The following PCDHGB2 variants were observed in gnomAD, a reference collection of about 807,000 sequenced individuals.
PCDHGB2 encodes protocadherin gamma-B2.
Under a neutral mutation model 59.3 loss-of-function variants are expected in PCDHGB2, and 55 were observed. The observed-to-expected ratio is 0.93, with a 90% CI of 0.75 to 1.16. The LOEUF is 1.16. Ranked by LOEUF, PCDHGB2 falls within the 50% of genes most tolerant of loss-of-function variation. The pLI, the probability that PCDHGB2 is intolerant of heterozygous loss-of-function variation, is 0.00. For synonymous variants in PCDHGB2, 516 were observed against 512.0 expected (o/e 1.01, Z -0.11); for missense variants, 1,228 against 1,198.5 (o/e 1.02, Z -0.36).
Position 141,360,032 on chromosome 5 carries a change from T to A in PCDHGB2, c.-104T>A, listed in dbSNP as rs112657435. 771 of 1,390,572 alleles carry A rather than the reference T, an allele frequency of 5.5e-4. 6 individuals are homozygous for A. In the East Asian group the frequency reaches 0.015, roughly 27 times the overall value. The allele number at this position is 1,390,572 out of a possible 1,614,324, so 86.1% of individuals were successfully genotyped here. A position where few individuals can be genotyped will look rare whatever the true frequency, so the allele number is the denominator to read the frequency against. The stretch of plus-strand genomic sequence containing the variant: ...CCACACAGAGAAGGCCAGTATAGAT[T>A]CGGAAACAGAAAACAAAAGCAGGAA... On this transcript the variant is annotated 5_prime_UTR_variant, in exon 1 of 4. Transcript: ENST00000522605.
At chr5:141,482,999 T>G (rs1031397558) in intron 1 of PCDHGB2, among the ~76,000 whole-genome samples, 3 of 151,950 alleles carry the variant, frequency 2.0e-5, no homozygotes, top group Non-Finnish European at 2.9e-5. Flanking sequence ...GCAGGAGAAT[T>G]GCTTGAACCC....
At position 141,372,292 on chromosome 5, in the gene PCDHGB2, G is replaced by A. The variant is rs1768614066; in HGVS notation, c.2421+9736G>A. The A allele has an allele frequency of 4.3e-6, 7 of 1,613,164 alleles. No homozygotes were observed. The African/African-American group carries it at 5.3e-5, about 12-fold the overall frequency. ...GAGGTGCGCACGGCGCGTACCTTGGGCGACAGGGAGGCCGCCCGCCAGCGC... is the reference window on the plus strand; with the variant it reads ...GAGGTGCGCACGGCGCGTACCTTGGACGACAGGGAGGCCGCCCGCCAGCGC... On this transcript the variant is annotated intron_variant, in intron 1 of 3. Transcript: ENST00000522605.
chr5:141,414,007 A>G (rs1047239460), intron 1 of PCDHGB2: 2 of 1,613,292 alleles, frequency 1.2e-6, no homozygotes, highest in Non-Finnish European at 1.7e-6. Flanking sequence ...CGAAGGTGCC[A>G]ATGGAGAAGT....
At position 141,371,310 on chromosome 5, in the gene PCDHGB2, G is replaced by C. The variant is rs371403587; in HGVS notation, c.2421+8754G>C. ...AACGGGGGAACTCACCACTATTGGA[G>C]AACTGGACTTTGAAGAGAGAGATAG... On this transcript the variant is annotated intron_variant, in intron 1 of 3. Coordinates refer to ENST00000522605, the MANE Select transcript of PCDHGB2 (RefSeq NM_018923.3). 3.1e-6 allele frequency: 5 copies of C among 1,613,874 alleles called. No individual in the cohort carries two copies. Among genetic ancestry groups the C allele is most frequent in the Non-Finnish European group, 4.2e-6 (5 of 1,179,886 alleles).
chr5:141,431,002 C>A lies in PCDHGB2; in HGVS notation c.2422-63805C>A, dbSNP rs1055964066. The A allele has an allele frequency of 6.2e-7, 1 of 1,613,836 alleles. No individual in the cohort carries two copies. Among genetic ancestry groups the A allele is most frequent in the Admixed American group, 1.7e-5 (1 of 59,990 alleles). The stretch of plus-strand genomic sequence containing the variant: ...AGCTTTTCGCCCTGAATCCGCGCAG[C>A]GGCAGCTTGGTCACGGCGGGCAGGA... On this transcript the variant is annotated intron_variant, in intron 1 of 3. Transcript: ENST00000522605. The surrounding 1 kb of genome is among the most constrained non-coding windows in gnomAD (Gnocchi z 4.8).
rs759735052 is a variant in PCDHGB2, at chr5:141,362,548, A to G, written c.2413A>G (p.Ile805Val). ...AAGVPFASDT[I>V]LKQAPPNTDW... ...TGGGGTCCCTTTTGCCTCAGATACT[A>G]TTTTGAAGGTGAGCTTTAATTAATT... The change falls in exon 1 of 4, where the codon ATT (isoleucine) becomes GTT (valine). Residue 805 changes from isoleucine (I) to valine (V), a missense_variant. By Grantham distance (29) the Ile-to-Val change is conservative. Transcript: ENST00000522605. 6.2e-6 allele frequency: 10 copies of G among 1,612,574 alleles called. No homozygotes were observed. The highest frequency in any genetic ancestry group is 1.3e-5 in the African/African-American group (1 of 74,890).
At chr5:141,433,235 C>T (rs1307904588) in intron 1 of PCDHGB2, 13 of 1,509,616 alleles carry the variant, frequency 8.6e-6, no homozygotes, top group Non-Finnish European at 1.1e-5. Context: ...GCTCTGTCTC[C>T]CAAGCTGGAA....
chr5:141,387,924 CTGCCAG>C (rs145222727), intron 1 of PCDHGB2: 128,031 of 1,478,756 alleles, frequency 0.087, 6,358 homozygotes, highest in Non-Finnish European at 0.099. Context: ...GGCTGAGAGG[CTGCCAG>C]TGCTCTTTCT....
intron 1 of PCDHGB2, among the ~76,000 whole-genome samples, chr5:141,448,660 G>T (rs2098599264): frequency 6.6e-6 from 1 of 151,712 alleles, no homozygotes; most frequent in African/African-American, 2.4e-5. Context: ...TTCCATATTG[G>T]CCGGGCGCGG....
chr5:141,370,467 T>C lies in PCDHGB2; in HGVS notation c.2421+7911T>C, dbSNP rs563836197. 3.3e-5 allele frequency: 53 copies of C among 1,613,232 alleles called. 2 individuals are homozygous for C. In the South Asian group the frequency reaches 4.4e-4, roughly 13 times the overall value. On this transcript the variant is annotated intron_variant, in intron 1 of 3. Transcript: ENST00000522605. ...GCTATTTCTCTTCCTGCTCTCTTTG[T>C]TAGACCAGGCTCTCTCCGAACCGAT...
intron 1 of PCDHGB2, among the ~76,000 whole-genome samples, chr5:141,373,413 C>T (rs1769555622): frequency 6.6e-6 from 1 of 152,186 alleles, no homozygotes; most frequent in African/African-American, 2.4e-5. Flanking sequence ...GTCCCAGCTA[C>T]TCGGGAGGCT....
rs199877605 is a variant in PCDHGB2 at position 141,421,311 on chromosome 5, G to A, written c.2421+58755G>A. The A allele has an allele frequency of 9.5e-5, 154 of 1,613,788 alleles. No individual in the cohort carries two copies. The African/African-American group carries it at 1.9e-3, about 20-fold the overall frequency. On this transcript the variant is annotated intron_variant, in intron 1 of 3. Coordinates refer to ENST00000522605, the MANE Select transcript of PCDHGB2 (RefSeq NM_018923.3). ...TCCTGGGGACGCTGCGGGGGTTCCG[G>A]GCCAGGCAGATCCGATATTCGGTGC... is the stretch of plus-strand genomic sequence containing the variant.
In PCDHGB2 at chr5:141,389,561, G is replaced by A. The variant is rs115696241; in HGVS notation, c.2421+27005G>A. On this transcript the variant is annotated intron_variant, in intron 1 of 3. Transcript: ENST00000522605. Reference sequence around the variant, plus strand: ...ACGACCGCAACGACAATGCGCCACGGGTGCTGTACCCCGCGCTGGGTCCCG... The same window carrying A: ...ACGACCGCAACGACAATGCGCCACGAGTGCTGTACCCCGCGCTGGGTCCCG... 3,114 of 1,613,258 alleles carry A rather than the reference G, an allele frequency of 1.9e-3. 62 individuals carry two copies. The African/African-American group carries it at 0.034, about 18-fold the overall frequency.
Position 141,415,740 on chromosome 5 carries a change from G to GTTTTTTTTTTTTTTT in PCDHGB2, c.2421+53202_2421+53216dup, listed in dbSNP as rs57426385. 67 of 625,038 alleles carry GTTTTTTTTTTTTTTT rather than the reference G, an allele frequency of 1.1e-4. 1 individual carries two copies. Among genetic ancestry groups the GTTTTTTTTTTTTTTT allele is most frequent in the African/African-American group, 2.5e-4 (10 of 39,932 alleles). The allele number at this position is 625,038 out of a possible 1,614,324, so 38.7% of individuals were successfully genotyped here. A position where few individuals can be genotyped will look rare whatever the true frequency, so the allele number is the denominator to read the frequency against. ...TGAGTAGAATTTGATGTTTATTAAG[G>GTTTTTTTTTTTTTTT]TTTTTTTTTTTTTTTTTTTTTTTTT... On this transcript the variant is annotated intron_variant, in intron 1 of 3. Coordinates refer to ENST00000522605, the MANE Select transcript of PCDHGB2 (RefSeq NM_018923.3).
At chr5:141,403,066 G>A in intron 1 of PCDHGB2, 1 of 1,614,076 alleles carries the variant, frequency 6.2e-7, no homozygotes, top group East Asian at 2.2e-5. Flanking sequence ...TGCCTGAAGA[G>A]ACAGAAAAGG....
In PCDHGB2 at chr5:141,476,707, G is replaced by A. The variant is rs1309848893; in HGVS notation, c.2422-18100G>A. 6.2e-7 allele frequency: 1 copy of A among 1,614,206 alleles called. No individual in the cohort carries two copies. The highest frequency in any genetic ancestry group is 1.7e-5 in the Admixed American group (1 of 60,032). On this transcript the variant is annotated intron_variant, in intron 1 of 3. Coordinates refer to ENST00000522605, the MANE Select transcript of PCDHGB2 (RefSeq NM_018923.3). This position sits in a 1 kb window ranked among gnomAD's most constrained non-coding sequence, Gnocchi z 7.6. ...ACAGCACCAAGTACGCGGAGCTGGT[G>A]TTGGAGCGCGCCCTGGACCGAGAAC...
intron 1 of PCDHGB2, chr5:141,399,730 T>G: frequency 2.5e-6 from 4 of 1,613,266 alleles, no homozygotes; most frequent in Non-Finnish European, 8.5e-7. Context: ...CGACCAGGGC[T>G]CGCCTGCGCT....
intron 1 of PCDHGB2, chr5:141,370,329 A>G: frequency 9.9e-6 from 14 of 1,407,454 alleles, no homozygotes; most frequent in Non-Finnish European, 1.2e-5. Context: ...CTGCTCGGAG[A>G]ACTCTTGGGA....
At position 141,491,070 on chromosome 5, in the gene PCDHGB2, G is replaced by T. The variant is rs1405880268; in HGVS notation, c.2422-3737G>T. On this transcript the variant is annotated intron_variant, in intron 1 of 3. Transcript: ENST00000522605. The surrounding 1 kb of genome is among the most constrained non-coding windows in gnomAD (Gnocchi z 6.9). ...ATGCGTGGCTCTCCTACTCACTGTTGCCACAGTCCACAGCCCCAGGACTGT... is the reference window on the plus strand; with the variant it reads ...ATGCGTGGCTCTCCTACTCACTGTTTCCACAGTCCACAGCCCCAGGACTGT... 6.2e-7 allele frequency: 1 copy of T among 1,614,162 alleles called. No homozygotes were observed. Among genetic ancestry groups the T allele is most frequent in the Non-Finnish European group, 8.5e-7 (1 of 1,180,038 alleles).
Sources: gnomAD v4.1 joint callset for allele counts (sites outside exome capture counted in the v4.1 genomes callset) on GRCh38, gnomAD v4.1.1 for gene constraint, Gnocchi (gnomAD v3.1) non-coding constraint, MANE v1.5 for transcripts, NCBI Gene and HGNC (gene_info 2026-07-23, HGNC 2026-07-21) for gene names.